The following CDH26 variants were observed in gnomAD, a reference collection of about 807,000 sequenced individuals.
CDH26 encodes the protein cadherin 26, also known as cadherin-like protein 26.
A neutral mutation model predicts 90.3 loss-of-function variants in CDH26; 83 were observed. The observed-to-expected ratio is 0.92, with a 90% confidence interval of 0.77 to 1.10. The LOEUF is 1.10. CDH26 is among the 50% of genes least tolerant of loss of function. CDH26 has a pLI of 0.00. For synonymous variants in CDH26, 397 were observed against 396.3 expected (o/e 1.00, Z -0.02); for missense variants, 1,013 against 1,037.6 (o/e 0.98, Z 0.33).
chr20:59,978,087 T>G (rs1216475718), intron 4 of CDH26, among the ~76,000 whole-genome samples: 6 of 152,226 alleles, frequency 3.9e-5, no homozygotes, highest in African/African-American at 1.4e-4. Context: ...TGCCTTTTTT[T>G]CATTGTATAA....
At chr20:59,984,429 A>G (rs1349021587) in intron 5 of CDH26, among the ~76,000 whole-genome samples, 3 of 152,262 alleles carry the variant, frequency 2.0e-5, no homozygotes, top group Non-Finnish European at 4.4e-5. Context: ...AGTCTTCTGC[A>G]TTGGCAGTCA....
chr20:59,973,594 G>A (rs1569029435), intron 4 of CDH26, among the ~76,000 whole-genome samples: 1 of 152,000 alleles, frequency 6.6e-6, no homozygotes, highest in Non-Finnish European at 1.5e-5. Context: ...CCTTCTGTGT[G>A]TCCATGTGTT....
rs1291303301 is a variant in CDH26, at chr20:60,006,789, T to C, written c.2295+2T>C. ...AGGATGGCAGAGACATTGAATCAGG[T>C]AGGGAGAGCTCCCCTTGTGCTGTGC... is the stretch of plus-strand genomic sequence containing the variant. On this transcript the variant is annotated splice_donor_variant, in intron 17 of 17. Coordinates refer to ENST00000348616, the MANE Select transcript of CDH26 (RefSeq NM_177980.4). LOFTEE classifies it high-confidence loss of function. The C allele has an allele frequency of 6.2e-7, 1 of 1,612,054 alleles. No homozygotes were observed.
rs1433829966 is a variant in CDH26 at position 59,994,587 on chromosome 20, C to T, written c.1666+98C>T. ...AAAGGACTTTATTAGCTTAAAAAAC[C>T]GGAGAGGTCTGCGTTCTGGCAGAGC... On this transcript the variant is annotated intron_variant, in intron 11 of 17. Transcript: ENST00000348616. 4 of 1,457,220 alleles carry T rather than the reference C, an allele frequency of 2.7e-6. No individual in the cohort carries two copies. In the South Asian group the frequency reaches 4.0e-5, roughly 14 times the overall value. The allele number at this position is 1,457,220 out of a possible 1,614,324, so 90.3% of individuals were successfully genotyped here.
rs751169798 is a variant in CDH26, at chr20:59,987,611, C to T, written c.996C>T (p.Thr332=). ...TTGACATTTCGACTGACCCTGAGAC[C>T]AACGAAGGGATATTAAATGTTATCA... is the stretch of plus-strand genomic sequence containing the variant. ...GHFDISTDPE[T]NEGILNVIKP... is the part of the protein sequence containing the mutation. The change falls in exon 8 of 18, where the codon ACC becomes ACT. Residue 332 remains threonine (T), a synonymous_variant. Coordinates refer to ENST00000348616, the MANE Select transcript of CDH26 (RefSeq NM_177980.4). 1 of 1,612,818 alleles carries T rather than the reference C, an allele frequency of 6.2e-7. No homozygotes were observed. The highest frequency in any genetic ancestry group is 1.1e-5 in the South Asian group (1 of 90,800).
intron 1 of CDH26, among the ~76,000 whole-genome samples, chr20:59,963,672 C>T (rs2061107483): frequency 6.6e-6 from 1 of 152,098 alleles, no homozygotes; most frequent in South Asian, 2.1e-4. Context: ...CTGGCCAGGA[C>T]AGCAGGGACA....
chr20:60,021,897 C>CACACACACACACACATAT lies in CDH26; in HGVS notation c.948-9333_948-9332insCACACACACACACATATA, dbSNP rs1295572684. On this transcript the variant is annotated intron_variant, in intron 7 of 8. Coordinates refer to the CDH26 transcript ENST00000370991. ...ACACACACACACACACACACACACA[C>CACACACACACACACATAT]ATATATATATATATATATATCCTGA... 9.2e-3 allele frequency among the ~76,000 whole-genome samples: 726 copies of CACACACACACACACATAT among 78,940 alleles called. 65 individuals are homozygous for CACACACACACACACATAT. Among genetic ancestry groups the CACACACACACACACATAT allele is most frequent in the Non-Finnish European group, 0.017 (558 of 33,776 alleles). 51.8% of individuals were successfully genotyped at this position (78,940 alleles called of 152,430 possible). A position where few individuals can be genotyped will look rare whatever the true frequency, so the allele number is the denominator to read the frequency against.
intron 4 of CDH26, among the ~76,000 whole-genome samples, chr20:59,982,173 C>G (rs542758314): frequency 4.0e-4 from 61 of 152,234 alleles, no homozygotes; most frequent in Non-Finnish European, 7.1e-4. Context: ...ATCAGTCCCC[C>G]TAGAGGTTTA....
intron 8 of CDH26, among the ~76,000 whole-genome samples, chr20:60,032,379 G>A (rs1432196094): frequency 1.3e-5 from 2 of 152,178 alleles, no homozygotes; most frequent in Non-Finnish European, 2.9e-5. Flanking sequence ...ACGAGGAGGT[G>A]AGAATGAACA....
At chr20:60,010,449 T>C (rs2061820322) in intron 17 of CDH26, among the ~76,000 whole-genome samples, 1 of 152,152 alleles carries the variant, frequency 6.6e-6, no homozygotes, top group Non-Finnish European at 1.5e-5. Context: ...TGGGTTCAGA[T>C]AGCACCCTCT....
In CDH26 at chr20:60,021,871, C is replaced by CACACACACACAT. The variant is rs1166449558; in HGVS notation, c.948-9349_948-9348insTACACACACACA. Among the ~76,000 whole-genome samples the CACACACACACAT allele has an allele frequency of 3.0e-4, 32 of 106,058 alleles. 1 individual carries two copies. The highest frequency in any genetic ancestry group is 6.5e-4 in the African/African-American group (21 of 32,194). 69.6% of individuals were successfully genotyped at this position (106,058 alleles called of 152,430 possible). ...CTGTACACACACACACACACACACA[C>CACACACACACAT]ACACACACACACACACACACACACA... On this transcript the variant is annotated intron_variant, in intron 7 of 8. Transcript: ENST00000370991.
intron 8 of CDH26, among the ~76,000 whole-genome samples, chr20:60,032,367 A>T (rs2062046291): frequency 6.6e-6 from 1 of 152,226 alleles, no homozygotes; most frequent in Admixed American, 6.5e-5. Flanking sequence ...TTTGCCAGGG[A>T]GACGAGGAGG....
At chr20:60,005,602 T>C (rs1034267703) in intron 16 of CDH26, among the ~76,000 whole-genome samples, 2 of 152,142 alleles carry the variant, frequency 1.3e-5, no homozygotes, top group African/African-American at 4.8e-5. Flanking sequence ...TAAGTATCCC[T>C]AAACCCAGGT....
intron 14 of CDH26, among the ~76,000 whole-genome samples, chr20:60,000,161 GC>G (rs2061657279): frequency 6.6e-6 from 1 of 152,198 alleles, no homozygotes; most frequent in African/African-American, 2.4e-5. Flanking sequence ...AAGGCCCGGG[GC>G]CCCTCTGCAA....
chr20:59,960,388 T>C (rs1031362999), intron 1 of CDH26, among the ~76,000 whole-genome samples: 7 of 144,180 alleles, frequency 4.9e-5, no homozygotes, highest in African/African-American at 1.1e-4. Context: ...GAGTTCCTTA[T>C]GTTAAAACAC....
At chr20:60,018,686 C>T (rs1292560373), downstream of CDH26, among the ~76,000 whole-genome samples, 2 of 78,654 alleles carry the variant, frequency 2.5e-5, no homozygotes, top group Admixed American at 1.3e-4. Context: ...CTGTTTCTTA[C>T]TTCCTCTCTT....
At chr20:59,973,872 T>C (rs1340030683) in intron 4 of CDH26, among the ~76,000 whole-genome samples, 1 of 152,236 alleles carries the variant, frequency 6.6e-6, no homozygotes, top group Non-Finnish European at 1.5e-5. Flanking sequence ...CATATGTCTT[T>C]ATGATAGAAT....
chr20:59,976,672 C>T (rs573522760), intron 4 of CDH26, among the ~76,000 whole-genome samples: 50 of 152,236 alleles, frequency 3.3e-4, no homozygotes, highest in African/African-American at 1.0e-3. Context: ...GTCCCTGCAG[C>T]GGACTAGCTC....
rs191580484 is a variant in CDH26, at chr20:60,011,445, C to T, written c.2296-1082C>T. Reference sequence around the variant, plus strand: ...GCTTGTTATTGTGTTTTGAAATATACGATAAAATGGCCATTCACTCAAATA... The same window carrying T: ...GCTTGTTATTGTGTTTTGAAATATATGATAAAATGGCCATTCACTCAAATA... On this transcript the variant is annotated intron_variant, in intron 17 of 17. Transcript: ENST00000348616. 1.8e-3 allele frequency among the ~76,000 whole-genome samples: 273 copies of T among 152,270 alleles called. 1 individual carries two copies. The highest frequency in any genetic ancestry group is 6.3e-3 in the African/African-American group (260 of 41,554).
Sources: gnomAD v4.1 joint callset for allele counts (sites outside exome capture counted in the v4.1 genomes callset) on GRCh38, gnomAD v4.1.1 for gene constraint, MANE v1.5 for transcripts, NCBI Gene and HGNC (gene_info 2026-07-23, HGNC 2026-07-21) for gene names.